The following MACROD2 variants were observed in gnomAD, a reference collection of about 807,000 sequenced individuals.
MACROD2 encodes mono-ADP ribosylhydrolase 2, also known as ADP-ribose glycohydrolase MACROD2.
MACROD2 carries 36 observed loss-of-function variants against 70.4 expected under a neutral mutation model. The observed-to-expected ratio is 0.51, with a 90% confidence interval of 0.39 to 0.68. The LOEUF (loss-of-function observed/expected upper bound fraction) is 0.68, where lower values mean the gene tolerates loss of function less well. Ranked by LOEUF, MACROD2 falls within the 30% of genes least tolerant of loss-of-function variation. The probability of loss-of-function intolerance (pLI) is 0.00; values close to 1 mark genes in which losing one functional copy is unlikely to be tolerated. For missense variants in MACROD2, 496 were observed against 538.4 expected (o/e 0.92, Z 0.78); for synonymous variants, 172 against 178.8 (o/e 0.96, Z 0.30).
intron 8 of MACROD2, among the ~76,000 whole-genome samples, chr20:15,537,856 G>A (rs1014819449): frequency 4.6e-5 from 7 of 152,062 alleles, no homozygotes; most frequent in Admixed American, 4.6e-4. Context: ...CACGACCCCA[G>A]TCATATGCTT....
At chr20:14,007,299 C>G (rs1383017424) in intron 2 of MACROD2, among the ~76,000 whole-genome samples, 5 of 152,026 alleles carry the variant, frequency 3.3e-5, no homozygotes. Context: ...GAGTTCATTC[C>G]CTAAAATCCT....
At chr20:15,804,293 C>T (rs182569457) in intron 8 of MACROD2, among the ~76,000 whole-genome samples, 244 of 152,308 alleles carry the variant, frequency 1.6e-3, no homozygotes, top group Admixed American at 2.7e-3. Context: ...CAAAGCAATA[C>T]AAATGCTGTC....
At chr20:15,322,328 C>T (rs760766488) in intron 6 of MACROD2, among the ~76,000 whole-genome samples, 2 of 143,208 alleles carry the variant, frequency 1.4e-5, no homozygotes, top group African/African-American at 5.0e-5. Context: ...CTGGGTGGGA[C>T]GGGGATATTT....
intron 5 of MACROD2, among the ~76,000 whole-genome samples, chr20:15,146,615 T>C (rs977071164): frequency 1.3e-5 from 2 of 152,310 alleles, no homozygotes; most frequent in African/African-American, 4.8e-5. Context: ...GATCAAAGAA[T>C]AGATTTCATC....
chr20:15,548,711 T>G (rs980932407), intron 8 of MACROD2, among the ~76,000 whole-genome samples: 1 of 152,188 alleles, frequency 6.6e-6, no homozygotes, highest in African/African-American at 2.4e-5. Flanking sequence ...TGCTTTTTAC[T>G]AATAGAATTA....
intron 4 of MACROD2, among the ~76,000 whole-genome samples, chr20:14,578,657 A>G (rs6074759): frequency 0.64 from 97,629 of 151,966 alleles, 32,918 homozygotes; most frequent in East Asian, 0.93. Context: ...TGTCAGCCAA[A>G]ACTCTAAAAT....
intron 6 of MACROD2, among the ~76,000 whole-genome samples, chr20:15,387,641 A>C (rs572477757): frequency 6.3e-4 from 96 of 152,104 alleles, no homozygotes; most frequent in African/African-American, 2.3e-3. Flanking sequence ...AGTTACAAAA[A>C]CACAGCAGCC....
intron 12 of MACROD2, 36 bp downstream of exon 12, chr20:15,937,580 C>G (rs1405676722): frequency 6.3e-7 from 1 of 1,580,078 alleles, no homozygotes; most frequent in Admixed American, 1.7e-5. Context: ...TAATTGCAGA[C>G]TCTTAAAAGA....
intron 5 of MACROD2, among the ~76,000 whole-genome samples, chr20:15,209,322 G>A (rs1451345627): frequency 1.3e-5 from 2 of 151,692 alleles, no homozygotes; most frequent in African/African-American, 4.8e-5. Context: ...TACTGTCCAG[G>A]GTTTTTAGTT....
chr20:14,886,998 T>C (rs2073685331), intron 5 of MACROD2, among the ~76,000 whole-genome samples: 1 of 152,144 alleles, frequency 6.6e-6, no homozygotes. Flanking sequence ...AAAATAAATG[T>C]TCATAGTGAA....
At chr20:14,986,553 T>C (rs1431526530) in intron 5 of MACROD2, among the ~76,000 whole-genome samples, 1 of 152,174 alleles carries the variant, frequency 6.6e-6, no homozygotes. Flanking sequence ...GGCTAAAGTT[T>C]AGGTAAATAA....
intron 5 of MACROD2, among the ~76,000 whole-genome samples, chr20:14,717,124 G>A (rs1215118789): frequency 2.0e-5 from 3 of 151,998 alleles, no homozygotes; most frequent in African/African-American, 7.2e-5. Flanking sequence ...CAACTAAACT[G>A]CATATGAGAT....
rs369393001 is a variant in MACROD2, at chr20:15,310,198, A to G, written c.540+80137A>G. Among the ~76,000 whole-genome samples, 282 of 152,306 alleles carry G rather than the reference A, an allele frequency of 1.9e-3. No homozygotes were observed. The South Asian group carries it at 0.022, about 12-fold the overall frequency. ...CTGGCAGAAAGCCTGGGAAAGAGTA[A>G]CTTTTTAAATTATTTTATTTTATTT... On this transcript the variant is annotated intron_variant, in intron 6 of 17. Transcript: ENST00000684519.
At chr20:15,152,400 G>A (rs1240621082) in intron 5 of MACROD2, among the ~76,000 whole-genome samples, 2 of 149,786 alleles carry the variant, frequency 1.3e-5, no homozygotes, top group South Asian at 4.3e-4. Context: ...GAAAAGCAGA[G>A]AAGGGGTTTG....
intron 7 of MACROD2, among the ~76,000 whole-genome samples, chr20:15,491,457 G>T (rs73614418): frequency 4.6e-5 from 7 of 152,214 alleles, no homozygotes; most frequent in Admixed American, 1.3e-4. Flanking sequence ...AAAGGCAGGG[G>T]TTTGTGTGTA....
At chr20:14,093,978 G>A (rs1001245009) in intron 3 of MACROD2, among the ~76,000 whole-genome samples, 6 of 148,010 alleles carry the variant, frequency 4.1e-5, no homozygotes, top group Non-Finnish European at 7.5e-5. Context: ...GAGGGCTGAG[G>A]TTTTTTTTTT....
At chr20:15,419,695 A>C (rs1020069270) in intron 6 of MACROD2, among the ~76,000 whole-genome samples, 2 of 152,080 alleles carry the variant, frequency 1.3e-5, no homozygotes, top group Admixed American at 1.3e-4. Context: ...CTCTTATGTC[A>C]ATTTTCCTCG....
At chr20:15,784,132 A>G (rs1423452667) in intron 8 of MACROD2, among the ~76,000 whole-genome samples, 1 of 152,132 alleles carries the variant, frequency 6.6e-6, no homozygotes, top group African/African-American at 2.4e-5. Flanking sequence ...TAAAAAAATT[A>G]TAGGGGATTA....
At chr20:15,343,246 AT>A (rs992093529) in intron 6 of MACROD2, among the ~76,000 whole-genome samples, 1 of 152,148 alleles carries the variant, frequency 6.6e-6, no homozygotes, top group Non-Finnish European at 1.5e-5. Flanking sequence ...TTATTTTGAC[AT>A]TTTTTGTGTT....
Sources: allele counts gnomAD v4.1 joint callset (sites outside exome capture counted in the v4.1 genomes callset), GRCh38; gene constraint gnomAD v4.1.1; transcripts MANE v1.5; gene names NCBI Gene and HGNC (gene_info 2026-07-23, HGNC 2026-07-21).